Variants in GLI2 observed in about 807,000 individuals in gnomAD.
The protein encoded by GLI2 is GLI family zinc finger 2, also known as transcription activator GLI2.
In GLI2, 22 loss-of-function variants were observed where a neutral mutation model predicts 78.9. The ratio of observed to expected loss-of-function variants is 0.28; its 90% CI spans 0.20 to 0.40. The LOEUF (loss-of-function observed/expected upper bound fraction) is 0.40. Ranked by LOEUF, GLI2 falls within the 10% of genes least tolerant of loss-of-function variation. The probability of loss-of-function intolerance (pLI) is 1.00; values close to 1 mark genes in which losing one functional copy is unlikely to be tolerated. For missense variants in GLI2, 2,097 were observed against 2,213.2 expected (o/e 0.95, Z 1.05); for synonymous variants, 974 against 963.7 (o/e 1.01, Z -0.20).
chr2:120,753,641 G>T (rs186957574), intron 1 of GLI2, among the ~76,000 whole-genome samples: 1 of 152,052 alleles, frequency 6.6e-6, no homozygotes, highest in Non-Finnish European at 1.5e-5. Context: ...GCTCAAGCCT[G>T]TAATCCCAGC....
intron 1 of GLI2, among the ~76,000 whole-genome samples, chr2:120,774,447 C>T (rs1251893958): frequency 6.6e-6 from 1 of 152,168 alleles, no homozygotes. Context: ...ATCACCCTCT[C>T]AAAAAACCCT....
Position 120,816,938 on chromosome 2 carries a change from A to G in GLI2, c.148+19470A>G, listed in dbSNP as rs143765203. On this transcript the variant is annotated intron_variant, in intron 2 of 13. Coordinates refer to ENST00000361492, the MANE Select transcript of GLI2 (RefSeq NM_001374353.1). ...AAAGGCCTTCCCATGCTGTTGGTTA[A>G]AATCCATGGGTCTGTCTTGCACTTT... Among the ~76,000 whole-genome samples, 408 of 152,332 alleles carry G rather than the reference A, an allele frequency of 2.7e-3. 3 individuals are homozygous for G. The highest frequency in any genetic ancestry group is 9.1e-3 in the African/African-American group (379 of 41,576).
intron 3 of GLI2, among the ~76,000 whole-genome samples, chr2:120,941,606 C>T (rs1246945756): frequency 6.6e-6 from 1 of 152,210 alleles, no homozygotes; most frequent in Non-Finnish European, 1.5e-5. Flanking sequence ...TTTGGGGACT[C>T]CAGCTTCCTT....
At chr2:120,828,048 A>G (rs1686176157) in intron 2 of GLI2, among the ~76,000 whole-genome samples, 1 of 152,222 alleles carries the variant, frequency 6.6e-6, no homozygotes, top group Non-Finnish European at 1.5e-5. Flanking sequence ...TGTTTTGTAT[A>G]TTTTCCTGCA....
intron 8 of GLI2, among the ~76,000 whole-genome samples, chr2:120,974,666 G>A (rs923963393): frequency 6.6e-6 from 1 of 152,228 alleles, no homozygotes; most frequent in Non-Finnish European, 1.5e-5. Flanking sequence ...ACAGCACTTC[G>A]ATGAAGACAA....
intron 2 of GLI2, among the ~76,000 whole-genome samples, chr2:120,903,434 A>G (rs1678362353): frequency 6.6e-6 from 1 of 151,840 alleles, no homozygotes; most frequent in African/African-American, 2.4e-5. Context: ...GGTGCTAGTG[A>G]CCCTCCCCCT....
intron 2 of GLI2, among the ~76,000 whole-genome samples, chr2:120,842,720 T>A (rs1686946002): frequency 6.6e-6 from 1 of 152,206 alleles, no homozygotes. Flanking sequence ...GTTACAAGAA[T>A]TTTCCTAAGC....
chr2:120,955,962 G>A (rs557083549), intron 5 of GLI2, among the ~76,000 whole-genome samples: 1 of 152,246 alleles, frequency 6.6e-6, no homozygotes, highest in South Asian at 2.1e-4. Flanking sequence ...TGGGAGTGGG[G>A]GTGAGGCCAG....
In GLI2 at chr2:120,978,427, C is replaced by T. The variant is rs776696046; in HGVS notation, c.1318-7C>T. ...CTTACCCTCTTCTGGGCATGTCCCTCCGGCAGCACATCAACAACGAGCACA... is the reference window on the plus strand; with the variant it reads ...CTTACCCTCTTCTGGGCATGTCCCTTCGGCAGCACATCAACAACGAGCACA... On this transcript the variant is annotated splice_region_variant and splice_polypyrimidine_tract_variant and intron_variant, in intron 9 of 13. Transcript: ENST00000361492. The T allele has an allele frequency of 3.7e-6, 6 of 1,614,122 alleles. No homozygotes were observed. The South Asian group carries it at 4.4e-5, about 12-fold the overall frequency.
chr2:120,951,133 T>C, intron 3 of GLI2, 110 bp from the exon 4 acceptor site: 2 of 761,678 alleles, frequency 2.6e-6, no homozygotes, highest in Admixed American at 3.6e-5. Context: ...GTGCAGGTTG[T>C]TCTGGAAAGT....
At chr2:120,758,407 T>C (rs1420985256) in intron 1 of GLI2, among the ~76,000 whole-genome samples, 3 of 152,158 alleles carry the variant, frequency 2.0e-5, no homozygotes, top group African/African-American at 7.2e-5. Context: ...GAAGGGCCTA[T>C]GTGAATGGTG....
chr2:120,982,452 A>G (rs1682756696), intron 10 of GLI2, among the ~76,000 whole-genome samples: 1 of 152,162 alleles, frequency 6.6e-6, no homozygotes, highest in South Asian at 2.1e-4. Context: ...ACATGTGGAG[A>G]TGAATTGCAG....
chr2:120,783,020 A>G lies in GLI2; in HGVS notation c.-30-14271A>G, dbSNP rs192357925. 3.6e-3 allele frequency among the ~76,000 whole-genome samples: 542 copies of G among 152,246 alleles called. 3 individuals carry two copies. Among genetic ancestry groups the G allele is most frequent in the African/African-American group, 0.013 (523 of 41,544 alleles). ...AAGACTTGTTGGGGAGGCCATCGAA[A>G]GGAGAGGGGGAAGGAGCAAGCAGCA... is the stretch of plus-strand genomic sequence containing the variant. On this transcript the variant is annotated intron_variant, in intron 1 of 13. Coordinates refer to ENST00000361492, the MANE Select transcript of GLI2 (RefSeq NM_001374353.1).
intron 2 of GLI2, among the ~76,000 whole-genome samples, chr2:120,855,387 G>T (rs1319703481): frequency 6.6e-6 from 1 of 152,182 alleles, no homozygotes; most frequent in African/African-American, 2.4e-5. Context: ...GATGTACTCT[G>T]CTTTTTACCC....
At chr2:120,950,459 AG>A (rs908516134) in intron 3 of GLI2, among the ~76,000 whole-genome samples, 9 of 152,208 alleles carry the variant, frequency 5.9e-5, no homozygotes, top group Non-Finnish European at 2.9e-5. Flanking sequence ...TAAGGGCCTG[AG>A]GTCACATCGA....
At chr2:120,762,003 T>C (rs907337551) in intron 1 of GLI2, among the ~76,000 whole-genome samples, 18 of 152,232 alleles carry the variant, frequency 1.2e-4, no homozygotes, top group South Asian at 1.0e-3. Flanking sequence ...GCCGCTTTGC[T>C]TCAGCACAGC....
intron 2 of GLI2, among the ~76,000 whole-genome samples, chr2:120,897,110 C>T (rs889406910): frequency 6.6e-6 from 1 of 152,220 alleles, no homozygotes; most frequent in Admixed American, 6.5e-5. Flanking sequence ...TGCCTCTCCC[C>T]AGCACCACCC....
chr2:120,852,339 G>T (rs576220345), intron 2 of GLI2, among the ~76,000 whole-genome samples: 1 of 152,292 alleles, frequency 6.6e-6, no homozygotes, highest in African/African-American at 2.4e-5. Flanking sequence ...CTCCATTTTC[G>T]GGCCAGCTCT....
intron 1 of GLI2, among the ~76,000 whole-genome samples, chr2:120,790,776 G>A (rs896419826): frequency 4.6e-5 from 7 of 152,198 alleles, no homozygotes; most frequent in African/African-American, 1.7e-4. Flanking sequence ...CATGTACAGT[G>A]ATGGGAAGGT....
Sources: allele counts gnomAD v4.1 joint callset (sites outside exome capture counted in the v4.1 genomes callset), GRCh38; gene constraint gnomAD v4.1.1; transcripts MANE v1.5; gene names NCBI Gene and HGNC (gene_info 2026-07-23, HGNC 2026-07-21).